Variants in FCRL2 observed in about 807,000 individuals in gnomAD.
FCRL2 encodes Fc receptor-like protein 2.
In FCRL2, 48 loss-of-function variants were observed where a neutral mutation model predicts 59.8. The ratio of observed to expected loss-of-function variants is 0.80; its 90% CI spans 0.64 to 1.02. The LOEUF (loss-of-function observed/expected upper bound fraction) is 1.02. Ranked by LOEUF, FCRL2 falls within the 50% of genes least tolerant of loss-of-function variation. The probability of loss-of-function intolerance (pLI) is 0.00; values close to 1 mark genes in which losing one functional copy is unlikely to be tolerated. For missense variants in FCRL2, 658 were observed against 597.3 expected, an observed-to-expected ratio of 1.10 and a Z score of -1.06; for synonymous variants, 251 against 229.5, an observed-to-expected ratio of 1.09 and a Z score of -0.85.
At chr1:157,769,110 C>T (rs765852274) in intron 4 of FCRL2, 15 of 158,724 alleles carry the variant, frequency 9.5e-5, no homozygotes, top group Non-Finnish European at 1.4e-4. Flanking sequence ...CAAGGTTCAA[C>T]CAAATACAAC....
chr1:157,747,420 A>C (rs1647833693), intron 10 of FCRL2, among the ~76,000 whole-genome samples: 1 of 152,196 alleles, frequency 6.6e-6, no homozygotes, highest in African/African-American at 2.4e-5. Context: ...CTTCCCTTGA[A>C]GATTTACAGC....
chr1:157,763,065 C>T (rs1649223831), intron 7 of FCRL2, among the ~76,000 whole-genome samples: 1 of 152,064 alleles, frequency 6.6e-6, no homozygotes, highest in African/African-American at 2.4e-5. Context: ...GTAAGCATTG[C>T]AAACCACTTA....
intron 2 of FCRL2, among the ~76,000 whole-genome samples, chr1:157,772,028 T>TTTTA (rs112809140): frequency 1.4e-5 from 2 of 147,080 alleles, no homozygotes; most frequent in Non-Finnish European, 1.5e-5. Context: ...AACAATCTGA[T>TTTTA]TATATATATA....
chr1:157,762,703 C>T (rs2101716597), intron 7 of FCRL2, among the ~76,000 whole-genome samples: 1 of 151,422 alleles, frequency 6.6e-6, no homozygotes, highest in Admixed American at 6.6e-5. Context: ...AGGGAAAAGC[C>T]TCTAGTCACC....
At chr1:157,768,803 T>A (rs981093178) in intron 4 of FCRL2, 102 bp from the exon 5 acceptor site, 2 of 1,135,938 alleles carry the variant, frequency 1.8e-6, no homozygotes, top group African/African-American at 3.1e-5. Flanking sequence ...ATGTGGAGAT[T>A]GTATAGATAA....
chr1:157,748,797 C>G, intron 9 of FCRL2, 78 bp downstream of exon 9: 1 of 1,392,590 alleles, frequency 7.2e-7, no homozygotes, highest in African/African-American at 1.4e-5. Context: ...TCTACACCAC[C>G]CACCTAATGG....
At chr1:157,753,659 A>G (rs1282285076) in intron 7 of FCRL2, among the ~76,000 whole-genome samples, 1 of 152,174 alleles carries the variant, frequency 6.6e-6, no homozygotes, top group Non-Finnish European at 1.5e-5. Context: ...TGATTGATTA[A>G]ATCATTGGCA....
intron 3 of FCRL2, 36 bp from the exon 4 acceptor site, chr1:157,770,186 G>T: frequency 1.3e-6 from 2 of 1,598,338 alleles, no homozygotes; most frequent in South Asian, 2.2e-5. Flanking sequence ...CCAAAGCAGT[G>T]ACAGCTAAGA....
At chr1:157,752,806 C>T (rs567173639) in intron 7 of FCRL2, among the ~76,000 whole-genome samples, 1 of 152,224 alleles carries the variant, frequency 6.6e-6, no homozygotes, top group African/African-American at 2.4e-5. Flanking sequence ...TGGATAGAAA[C>T]ATTTCTCATT....
At position 157,770,632 on chromosome 1, in the gene FCRL2, G is replaced by A. The variant is rs377455239; in HGVS notation, c.87C>T (p.Phe29=). The part of the protein sequence containing the change: ...SLTLVAPSSV[F]EGDSIVLKCQ... Reference sequence around the variant, plus strand: ...ATTTCAGAACGATGCTGTCTCCTTCGAAGACAGAAGAGGGCGCCACAAGGG... The same window carrying A: ...ATTTCAGAACGATGCTGTCTCCTTCAAAGACAGAAGAGGGCGCCACAAGGG... Residue 29 remains phenylalanine, a synonymous_variant, in exon 3 of 12, where the codon TTC becomes TTT. Coordinates refer to ENST00000361516, the MANE Select transcript of FCRL2 (RefSeq NM_030764.4). 4.5e-5 allele frequency: 72 copies of A among 1,614,098 alleles called. No individual in the cohort carries two copies. The highest frequency in any genetic ancestry group is 3.8e-4 in the East Asian group (17 of 44,876).
chr1:157,765,987 A>G (rs1649460633), intron 7 of FCRL2, among the ~76,000 whole-genome samples: 1 of 152,196 alleles, frequency 6.6e-6, no homozygotes, highest in African/African-American at 2.4e-5. Flanking sequence ...GAGGCTGCGT[A>G]TATGTGCTCT....
chr1:157,767,018 G>T, intron 6 of FCRL2, 47 bp from the exon 7 acceptor site: 1 of 1,536,280 alleles, frequency 6.5e-7, no homozygotes, highest in East Asian at 2.2e-5. Flanking sequence ...TAAGACTTGG[G>T]CCCTTCTTAT....
chr1:157,755,951 T>C (rs532357629), intron 7 of FCRL2, among the ~76,000 whole-genome samples: 10 of 151,958 alleles, frequency 6.6e-5, no homozygotes, highest in Non-Finnish European at 1.3e-4. Flanking sequence ...TATTCTTTGA[T>C]ATTGTATGAA....
At chr1:157,770,717 A>G (rs1315913151) in intron 2 of FCRL2, 51 bp from the exon 3 acceptor site, 1 of 1,602,752 alleles carries the variant, frequency 6.2e-7, no homozygotes, top group African/African-American at 1.3e-5. Context: ...GAGAACCCAG[A>G]CAGACTCCAT....
intron 2 of FCRL2, among the ~76,000 whole-genome samples, chr1:157,772,155 C>G (rs920279229): frequency 6.6e-6 from 1 of 150,894 alleles, no homozygotes; most frequent in Admixed American, 6.6e-5. Context: ...CCGTGGGACT[C>G]GGAATCAAGC....
chr1:157,751,522 T>C (rs918151515), intron 7 of FCRL2, among the ~76,000 whole-genome samples: 1 of 152,126 alleles, frequency 6.6e-6, no homozygotes, highest in African/African-American at 2.4e-5. Context: ...GAAAAGCAGA[T>C]AAAGGAACAT....
chr1:157,754,600 C>G (rs1407475630), intron 7 of FCRL2, among the ~76,000 whole-genome samples: 1 of 151,948 alleles, frequency 6.6e-6, no homozygotes, highest in Non-Finnish European at 1.5e-5. Flanking sequence ...CTCTTGGGGT[C>G]TGGATCCAGA....
intron 7 of FCRL2, among the ~76,000 whole-genome samples, chr1:157,764,029 CAAAAAAA>C (rs34230382): frequency 9.7e-6 from 1 of 103,254 alleles, no homozygotes; most frequent in African/African-American, 4.1e-5. Context: ...GACTTCATCT[CAAAAAAA>C]AAAAAAAAAA....
At chr1:157,766,197 C>T (rs981571497) in intron 7 of FCRL2, among the ~76,000 whole-genome samples, 4 of 152,324 alleles carry the variant, frequency 2.6e-5, no homozygotes, top group East Asian at 1.9e-4. Context: ...CCTGGCCAGG[C>T]GCTGTGGCTC....
Sources: allele counts gnomAD v4.1 joint callset (sites outside exome capture counted in the v4.1 genomes callset), GRCh38; gene constraint gnomAD v4.1.1; transcripts MANE v1.5; gene names NCBI Gene and HGNC (gene_info 2026-07-23, HGNC 2026-07-21).